TJP1: variants seen among roughly 807,000 people sequenced by gnomAD.
TJP1 encodes tight junction protein ZO-1.
TJP1 carries 43 observed loss-of-function variants against 194.2 expected under a neutral mutation model. That is an observed-to-expected ratio of 0.22 (90% CI 0.17 to 0.29). The LOEUF is 0.29. Among genes scored for constraint, TJP1 ranks in the 10% least tolerant of loss-of-function variants. TJP1 has a pLI of 1.00. For missense variants in TJP1, 1,971 were observed against 2,185.7 expected (o/e 0.90, Z 1.96); for synonymous variants, 801 against 779.0 (o/e 1.03, Z -0.47).
chr15:29,943,190 A>C (rs1166781385), intron 2 of TJP1, among the ~76,000 whole-genome samples: 1 of 152,178 alleles, frequency 6.6e-6, no homozygotes, highest in Non-Finnish European at 1.5e-5. Flanking sequence ...TCCTCTTTTG[A>C]CATAAAAGAT....
At chr15:29,793,990 G>A (rs1235010209) in intron 2 of TJP1, among the ~76,000 whole-genome samples, 1 of 152,022 alleles carries the variant, frequency 6.6e-6, no homozygotes, top group East Asian at 1.9e-4. Flanking sequence ...GGGAAATACT[G>A]GCCCTTTGGA....
chr15:29,754,843 C>T (rs2045541191), intron 8 of TJP1, among the ~76,000 whole-genome samples: 1 of 152,238 alleles, frequency 6.6e-6, no homozygotes, highest in South Asian at 2.1e-4. Flanking sequence ...TTTCAGATTA[C>T]CTACGCTCAA....
chr15:29,713,463 C>T (rs572017087), intron 23 of TJP1, among the ~76,000 whole-genome samples: 1 of 152,290 alleles, frequency 6.6e-6, no homozygotes, highest in African/African-American at 2.4e-5. Flanking sequence ...GATTATTTTC[C>T]ATATCTAATT....
chr15:29,824,445 AATCATC>A (rs34399157), upstream of TJP1, among the ~76,000 whole-genome samples: 27 of 145,910 alleles, frequency 1.9e-4, no homozygotes, highest in East Asian at 8.2e-4. Context: ...CTCCGTCTCA[AATCATC>A]ATCATCATCA....
At chr15:29,930,080 A>T (rs2054658357) in intron 2 of TJP1, among the ~76,000 whole-genome samples, 1 of 152,214 alleles carries the variant, frequency 6.6e-6, no homozygotes, top group African/African-American at 2.4e-5. Flanking sequence ...TCCAGTAGTT[A>T]AAAACCTATT....
chr15:29,722,596 G>C (rs112855059), intron 18 of TJP1, among the ~76,000 whole-genome samples: 2 of 152,190 alleles, frequency 1.3e-5, no homozygotes, highest in African/African-American at 2.4e-5. Flanking sequence ...CAGTGTGGAG[G>C]GGAAATGTGG....
At chr15:29,857,302 T>C (rs1197170518) in intron 2 of TJP1, among the ~76,000 whole-genome samples, 2 of 152,068 alleles carry the variant, frequency 1.3e-5, no homozygotes, top group Non-Finnish European at 1.5e-5. Flanking sequence ...TGTTTTTTTT[T>C]TTTAAGGATG....
intron 2 of TJP1, among the ~76,000 whole-genome samples, chr15:29,859,488 TG>T (rs1567140880): frequency 6.6e-6 from 1 of 152,186 alleles, no homozygotes; most frequent in African/African-American, 2.4e-5. Context: ...GCAACAAGGA[TG>T]GGACTTCCCA....
chr15:29,789,301 T>C (rs576359399), intron 2 of TJP1, among the ~76,000 whole-genome samples: 47 of 152,304 alleles, frequency 3.1e-4, no homozygotes, highest in Middle Eastern at 3.4e-3. Context: ...ACTAAGGAGA[T>C]AGAAAACGGA....
chr15:29,949,417 T>TCCACCTTCACCACC (rs2055463386), intron 2 of TJP1, among the ~76,000 whole-genome samples: 4 of 58,584 alleles, frequency 6.8e-5, no homozygotes, highest in Admixed American at 1.9e-4. Context: ...CCACCACCTC[T>TCCACCTTCACCACC]ACCTCCACAA....
At position 29,955,547 on chromosome 15, in the gene TJP1, T is replaced by C. The variant is rs1373216938; in HGVS notation, c.306+685A>G. On this transcript the variant is annotated intron_variant, in intron 2 of 28. Transcript: ENST00000356107. ...AGAATAAAAAGAAAGTGCCAGGAGT[T>C]CAAGACCAGCCAGGGCAACATAGTG... is the stretch of plus-strand genomic sequence containing the variant. 1.3e-4 allele frequency among the ~76,000 whole-genome samples: 20 copies of C among 151,358 alleles called. 1 individual carries two copies. Among genetic ancestry groups the C allele is most frequent in the Admixed American group, 1.3e-3 (20 of 15,184 alleles).
intron 2 of TJP1, among the ~76,000 whole-genome samples, chr15:29,938,665 T>C (rs1411001607): frequency 6.6e-6 from 1 of 152,196 alleles, no homozygotes; most frequent in Non-Finnish European, 1.5e-5. Context: ...CACTCTGCCC[T>C]AAGTAACACC....
rs1224704900 is a variant in TJP1, at chr15:29,843,170, TTTTCTTTTTTC to T, written c.307-42479_307-42469del. Reference sequence around the variant, plus strand: ...TATCTTTGACTTTTCTTTCTGTTTTTTTTCTTTTTTCTTTTCTTTTTTTTTTTCTTTTTTTG... The same window carrying T: ...TATCTTTGACTTTTCTTTCTGTTTTTTTTTCTTTTTTTTTTTCTTTTTTTG... On this transcript the variant is annotated intron_variant, in intron 2 of 28. Coordinates refer to the TJP1 transcript ENST00000356107. Among the ~76,000 whole-genome samples, 4 of 148,184 alleles carry T rather than the reference TTTTCTTTTTTC, an allele frequency of 2.7e-5. No individual in the cohort carries two copies. The East Asian group carries it at 7.9e-4, about 29-fold the overall frequency.
intron 12 of TJP1, 90 bp from the exon 13 acceptor site, chr15:29,733,403 T>A (rs2043802843): frequency 3.5e-6 from 3 of 868,832 alleles, no homozygotes; most frequent in Non-Finnish European, 5.3e-6. Context: ...TATGATAATA[T>A]CAATAATAAT....
At chr15:29,720,291 C>CA in intron 19 of TJP1, 67 bp downstream of exon 19, 2 of 1,337,084 alleles carry the variant, frequency 1.5e-6, no homozygotes, top group Admixed American at 2.3e-5. Flanking sequence ...ATTTTTAACT[C>CA]AATCACCACA....
At chr15:29,902,782 T>A (rs2053672789) in intron 2 of TJP1, among the ~76,000 whole-genome samples, 1 of 152,118 alleles carries the variant, frequency 6.6e-6, no homozygotes, top group South Asian at 2.1e-4. Context: ...ATGCCTGTAG[T>A]CCCAGCACTT....
At chr15:29,796,549 T>A (rs537479108) in intron 2 of TJP1, among the ~76,000 whole-genome samples, 1 of 152,198 alleles carries the variant, frequency 6.6e-6, no homozygotes, top group African/African-American at 2.4e-5. Flanking sequence ...ATTATATTCA[T>A]AGTTTGGAAT....
rs1011709350 is a variant in TJP1 at position 29,968,630 on chromosome 15, G to A, written c.173+37C>T. ...CGGCCCCCGCCCCGCTCCGCGCCTA[G>A]CCCGGCTGGGGCTCCGCGCCCGCGC... On this transcript the variant is annotated intron_variant, in intron 1 of 28. Transcript: ENST00000356107. 1.6e-5 allele frequency: 16 copies of A among 1,002,510 alleles called. No individual in the cohort carries two copies. The African/African-American group carries it at 2.3e-4, about 14-fold the overall frequency. 62.1% of individuals were successfully genotyped at this position (1,002,510 alleles called of 1,614,324 possible).
At chr15:29,822,846 G>A (rs983884678), upstream of TJP1, 1 of 152,276 alleles carries the variant, frequency 6.6e-6, no homozygotes, top group Non-Finnish European at 1.5e-5. Flanking sequence ...GCCGATACCC[G>A]ACAGTTGTTT....
Sources: gnomAD v4.1 joint callset for allele counts (sites outside exome capture counted in the v4.1 genomes callset) on GRCh38, gnomAD v4.1.1 for gene constraint, MANE v1.5 for transcripts, NCBI Gene and HGNC (gene_info 2026-07-23, HGNC 2026-07-21) for gene names.